DPP10: variants seen among roughly 807,000 people sequenced by gnomAD.
The protein encoded by DPP10 is dipeptidyl peptidase like 10.
DPP10 carries 33 observed loss-of-function variants against 120.9 expected under a neutral mutation model. That is an observed-to-expected ratio of 0.27 (90% CI 0.21 to 0.37). The LOEUF (loss-of-function observed/expected upper bound fraction) is 0.37. DPP10 is among the 10% of genes least tolerant of loss of function. The pLI, the probability that DPP10 is intolerant of heterozygous loss-of-function variation, is 1.00. For synonymous variants in DPP10, 337 were observed against 326.1 expected (o/e 1.03, Z -0.36); for missense variants, 816 against 942.8 (o/e 0.87, Z 1.76).
At chr2:114,854,139 C>T (rs1421748662) in intron 1 of DPP10, among the ~76,000 whole-genome samples, 1 of 152,166 alleles carries the variant, frequency 6.6e-6, no homozygotes. Flanking sequence ...TGGGTGGGAT[C>T]ACACATAGAG....
chr2:115,773,116 A>C (rs1016377456), intron 13 of DPP10, among the ~76,000 whole-genome samples: 2 of 152,156 alleles, frequency 1.3e-5, no homozygotes, highest in African/African-American at 2.4e-5. Flanking sequence ...GCTGCATCTG[A>C]TTAGGACATT....
chr2:115,277,963 G>A (rs1023096449), intron 1 of DPP10, among the ~76,000 whole-genome samples: 5 of 152,132 alleles, frequency 3.3e-5, no homozygotes, highest in Admixed American at 2.6e-4. Context: ...ATGTGGAAAG[G>A]CCTCAATTAG....
At chr2:115,749,437 G>T (rs1443085752) in intron 10 of DPP10, among the ~76,000 whole-genome samples, 2 of 152,156 alleles carry the variant, frequency 1.3e-5, no homozygotes, top group Non-Finnish European at 2.9e-5. Context: ...GTGACCCATT[G>T]TTCTCAACCT....
chr2:115,798,788 TTCAG>T (rs1191675184), intron 19 of DPP10, among the ~76,000 whole-genome samples: 3 of 152,134 alleles, frequency 2.0e-5, no homozygotes, highest in Non-Finnish European at 4.4e-5. Flanking sequence ...TTTGGAATCA[TTCAG>T]TCATTTTCAG....
chr2:115,806,461 C>G (rs1685982727), intron 19 of DPP10, among the ~76,000 whole-genome samples: 1 of 152,068 alleles, frequency 6.6e-6, no homozygotes, highest in Admixed American at 6.5e-5. Context: ...GTGTAAAATT[C>G]CCTATGTTTA....
intron 1 of DPP10, among the ~76,000 whole-genome samples, chr2:114,653,982 AT>A (rs1216203517): frequency 6.6e-6 from 1 of 152,158 alleles, no homozygotes; most frequent in Non-Finnish European, 1.5e-5. Context: ...CTCCAGGGTT[AT>A]TTCCAAAAGT....
At chr2:115,232,156 G>A (rs1209311852) in intron 1 of DPP10, among the ~76,000 whole-genome samples, 2 of 152,028 alleles carry the variant, frequency 1.3e-5, no homozygotes, top group East Asian at 3.9e-4. Flanking sequence ...TTCCACCTTG[G>A]CATCGGAAGG....
At position 114,948,702 on chromosome 2, in the gene DPP10, C is replaced by T. The variant is rs376398573; in HGVS notation, c.61-360537C>T. On this transcript the variant is annotated intron_variant, in intron 1 of 25. Coordinates refer to ENST00000410059, the MANE Select transcript of DPP10 (RefSeq NM_020868.6). ...TACTATCTTGTCAAGTACCACCATTCTTTCTGAGGAAGGAGAGAGTATATT... is the reference window on the plus strand; with the variant it reads ...TACTATCTTGTCAAGTACCACCATTTTTTCTGAGGAAGGAGAGAGTATATT... Among the ~76,000 whole-genome samples the T allele has an allele frequency of 6.6e-5, 10 of 152,270 alleles. No homozygotes were observed. In the East Asian group the frequency reaches 1.7e-3, roughly 26 times the overall value.
chr2:114,980,570 CGAAAAA>C (rs1558949549), intron 1 of DPP10, among the ~76,000 whole-genome samples: 1 of 143,420 alleles, frequency 7.0e-6, no homozygotes, highest in African/African-American at 2.6e-5. Context: ...ATATGATGTA[CGAAAAA>C]GAAAAAGTCA....
chr2:114,686,016 C>G (rs916509684), intron 1 of DPP10, among the ~76,000 whole-genome samples: 2 of 151,926 alleles, frequency 1.3e-5, no homozygotes, highest in African/African-American at 2.4e-5. Flanking sequence ...ATTTTCTTCC[C>G]TGAGTGCTAC....
intron 5 of DPP10, among the ~76,000 whole-genome samples, chr2:115,687,318 T>G (rs1433077693): frequency 6.6e-6 from 1 of 152,076 alleles, no homozygotes; most frequent in Non-Finnish European, 1.5e-5. Context: ...AATGTGATTT[T>G]TCTTATTGAA....
At chr2:114,960,178 T>C (rs932403554) in intron 1 of DPP10, among the ~76,000 whole-genome samples, 3 of 152,160 alleles carry the variant, frequency 2.0e-5, no homozygotes, top group Non-Finnish European at 4.4e-5. Flanking sequence ...TGCTAGCTGA[T>C]ATTTTAGTGC....
At chr2:115,324,659 G>C (rs1035278187) in intron 2 of DPP10, among the ~76,000 whole-genome samples, 2 of 152,070 alleles carry the variant, frequency 1.3e-5, no homozygotes, top group South Asian at 4.1e-4. Flanking sequence ...CAATAAGCCT[G>C]TTTTGTTTTT....
intron 1 of DPP10, among the ~76,000 whole-genome samples, chr2:114,909,543 A>G (rs1163948468): frequency 1.3e-5 from 2 of 152,030 alleles, no homozygotes; most frequent in African/African-American, 2.4e-5. Context: ...ATCTTGGGAA[A>G]AATCTTGCCA....
intron 1 of DPP10, among the ~76,000 whole-genome samples, chr2:114,857,004 A>G (rs1215477699): frequency 1.3e-5 from 2 of 152,176 alleles, no homozygotes; most frequent in Non-Finnish European, 2.9e-5. Flanking sequence ...CCCTTTTGTA[A>G]ATAAAGATAC....
At chr2:115,818,808 C>T (rs1188568168) in intron 21 of DPP10, among the ~76,000 whole-genome samples, 4 of 152,122 alleles carry the variant, frequency 2.6e-5, no homozygotes, top group African/African-American at 4.8e-5. Flanking sequence ...TTCCCCAAAT[C>T]GTCATTGTAT....
chr2:115,661,346 A>G (rs1367307273), intron 5 of DPP10, among the ~76,000 whole-genome samples: 1 of 152,188 alleles, frequency 6.6e-6, no homozygotes, highest in Non-Finnish European at 1.5e-5. Flanking sequence ...AGTTCTCAAC[A>G]TGGAAATCAA....
chr2:114,467,606 G>C (rs1679514139), intron 1 of DPP10, among the ~76,000 whole-genome samples: 1 of 152,200 alleles, frequency 6.6e-6, no homozygotes, highest in African/African-American at 2.4e-5. Flanking sequence ...ACCTTGCACA[G>C]TGCTGCCCAG....
chr2:114,713,574 C>T (rs1398219025), intron 1 of DPP10, among the ~76,000 whole-genome samples: 1 of 152,190 alleles, frequency 6.6e-6, no homozygotes, highest in Admixed American at 6.5e-5. Context: ...GTATGTCACT[C>T]ACCTTCTAAC....
Sources: allele counts gnomAD v4.1 joint callset (sites outside exome capture counted in the v4.1 genomes callset), GRCh38; gene constraint gnomAD v4.1.1; transcripts MANE v1.5; gene names NCBI Gene and HGNC (gene_info 2026-07-23, HGNC 2026-07-21).